Variants in BANK1 observed in about 807,000 individuals in gnomAD.
BANK1 encodes the protein B-cell scaffold protein with ankyrin repeats.
In BANK1, 95 loss-of-function variants were observed where a neutral mutation model predicts 94.5. The observed-to-expected ratio is 1.00, with a 90% CI of 0.85 to 1.19. The LOEUF is 1.19. Ranked by LOEUF, BANK1 falls within the 50% of genes most tolerant of loss-of-function variation. The probability of loss-of-function intolerance (pLI) is 0.00; values close to 1 mark genes in which losing one functional copy is unlikely to be tolerated. For synonymous variants in BANK1, 334 were observed against 308.4 expected, an observed-to-expected ratio of 1.08 and a Z score of -0.87; for missense variants, 987 against 932.2, an observed-to-expected ratio of 1.06 and a Z score of -0.77.
At chr4:101,859,930 C>G (rs543753348) in intron 3 of BANK1, among the ~76,000 whole-genome samples, 1 of 152,194 alleles carries the variant, frequency 6.6e-6, no homozygotes, top group East Asian at 1.9e-4. Context: ...TAGAAACAGT[C>G]AAATGATGGT....
At chr4:101,800,477 A>G (rs1725322923) in intron 1 of BANK1, among the ~76,000 whole-genome samples, 1 of 151,978 alleles carries the variant, frequency 6.6e-6, no homozygotes, top group African/African-American at 2.4e-5. Flanking sequence ...ACAGTGTTGA[A>G]TTATTCCTTA....
intron 7 of BANK1, among the ~76,000 whole-genome samples, chr4:101,995,913 A>G (rs376391438): frequency 6.6e-6 from 1 of 152,152 alleles, no homozygotes; most frequent in East Asian, 1.9e-4. Flanking sequence ...CACTCTGATG[A>G]TAGTTTTTTT....
chr4:101,978,483 G>A (rs1017034417), intron 7 of BANK1, among the ~76,000 whole-genome samples: 28 of 152,008 alleles, frequency 1.8e-4, no homozygotes, highest in Admixed American at 1.2e-3. Flanking sequence ...TACAATTATC[G>A]TTTGAAGGTA....
intron 7 of BANK1, among the ~76,000 whole-genome samples, chr4:101,957,816 G>GTTTTTGT (rs150362539): frequency 4.3e-5 from 6 of 140,414 alleles, no homozygotes; most frequent in Admixed American, 3.5e-4. Flanking sequence ...TTGTTGTTGT[G>GTTTTTGT]TTTTTGTTTT....
intron 5 of BANK1, among the ~76,000 whole-genome samples, chr4:101,878,506 G>C (rs1297439659): frequency 1.3e-5 from 2 of 152,202 alleles, no homozygotes; most frequent in Non-Finnish European, 2.9e-5. Context: ...TATAATAATA[G>C]CTTGAGACTC....
Position 101,853,441 on chromosome 4 carries a change from C to T in BANK1, c.470-1594C>T, listed in dbSNP as rs533865747. ...TTTTTACCCTGTCAATGCTGCTTAG[C>T]CAAAGAGCACCAGGAATGTACCTGC... On this transcript the variant is annotated intron_variant, in intron 2 of 16. Coordinates refer to ENST00000322953, the MANE Select transcript of BANK1 (RefSeq NM_017935.5). Among the ~76,000 whole-genome samples the T allele has an allele frequency of 1.4e-4, 21 of 152,224 alleles. No homozygotes were observed. The South Asian group carries it at 4.2e-3, about 30-fold the overall frequency.
At chr4:101,936,718 A>G (rs1450928541) in intron 7 of BANK1, among the ~76,000 whole-genome samples, 1 of 151,642 alleles carries the variant, frequency 6.6e-6, no homozygotes, top group South Asian at 2.1e-4. Flanking sequence ...GCTCAATATC[A>G]TTGATCATTA....
chr4:101,843,664 C>T (rs537649988), intron 2 of BANK1, among the ~76,000 whole-genome samples: 4 of 152,072 alleles, frequency 2.6e-5, no homozygotes, highest in Admixed American at 2.6e-4. Context: ...TGCCTGTAAT[C>T]CCAGCACTTT....
intron 5 of BANK1, among the ~76,000 whole-genome samples, chr4:101,886,923 T>C (rs1728877797): frequency 6.6e-6 from 1 of 152,202 alleles, no homozygotes; most frequent in Admixed American, 6.5e-5. Context: ...TATTTTTTTT[T>C]CCTTTCTTAC....
chr4:101,791,308 A>G (rs1431969519), intron 1 of BANK1, among the ~76,000 whole-genome samples: 1 of 152,202 alleles, frequency 6.6e-6, no homozygotes, highest in Non-Finnish European at 1.5e-5. Context: ...GTTTAAAATT[A>G]TACGTAATTA....
At chr4:101,982,493 T>C (rs1189787600) in intron 7 of BANK1, among the ~76,000 whole-genome samples, 2 of 152,160 alleles carry the variant, frequency 1.3e-5, no homozygotes, top group South Asian at 2.1e-4. Context: ...TAAGTAGGTA[T>C]ACATTTGTTT....
At chr4:102,060,931 G>T (rs1728398621) in intron 12 of BANK1, among the ~76,000 whole-genome samples, 1 of 152,112 alleles carries the variant, frequency 6.6e-6, no homozygotes, top group African/African-American at 2.4e-5. Flanking sequence ...TGGGATTGGA[G>T]GACATGGTTC....
chr4:101,861,898 T>C (rs1031311900), intron 3 of BANK1, among the ~76,000 whole-genome samples: 3 of 152,140 alleles, frequency 2.0e-5, no homozygotes, highest in Non-Finnish European at 4.4e-5. Flanking sequence ...TTTCACCTTA[T>C]ACATTTGGCC....
At chr4:101,965,529 G>A (rs530450761) in intron 7 of BANK1, among the ~76,000 whole-genome samples, 10 of 152,058 alleles carry the variant, frequency 6.6e-5, no homozygotes, top group East Asian at 1.9e-4. Context: ...TTTATTTCTC[G>A]TAACCTTTTG....
At chr4:101,794,966 C>T (rs929023839) in intron 1 of BANK1, among the ~76,000 whole-genome samples, 5 of 152,000 alleles carry the variant, frequency 3.3e-5, no homozygotes, top group South Asian at 2.1e-4. Flanking sequence ...TATTAATTCC[C>T]ATTGCCTTGT....
chr4:101,960,039 T>C (rs954529335), intron 7 of BANK1, among the ~76,000 whole-genome samples: 2 of 152,178 alleles, frequency 1.3e-5, no homozygotes, highest in East Asian at 3.9e-4. Flanking sequence ...TCCTTCACTT[T>C]ATGGAAGAAA....
intron 6 of BANK1, among the ~76,000 whole-genome samples, chr4:101,915,045 GA>G (rs1722784342): frequency 6.6e-6 from 1 of 152,174 alleles, no homozygotes; most frequent in Admixed American, 6.6e-5. Context: ...GTCTGCAAAT[GA>G]CTGGGAAAGT....
At chr4:101,994,669 A>G (rs1402619366) in intron 7 of BANK1, among the ~76,000 whole-genome samples, 2 of 152,136 alleles carry the variant, frequency 1.3e-5, no homozygotes, top group African/African-American at 4.8e-5. Context: ...GATGAGGAAA[A>G]ACACTCAGCT....
chr4:101,984,873 C>A (rs540644024), intron 7 of BANK1, among the ~76,000 whole-genome samples: 1 of 152,076 alleles, frequency 6.6e-6, no homozygotes, highest in African/African-American at 2.4e-5. Context: ...ACGAATGCGA[C>A]CTGAAGTGAC....
Sources: allele counts gnomAD v4.1 joint callset (sites outside exome capture counted in the v4.1 genomes callset), GRCh38; gene constraint gnomAD v4.1.1; transcripts MANE v1.5; gene names NCBI Gene and HGNC (gene_info 2026-07-23, HGNC 2026-07-21).